RMDN2: variants seen among roughly 807,000 people sequenced by gnomAD.
RMDN2 encodes regulator of microtubule dynamics protein 2.
A neutral mutation model predicts 52.8 loss-of-function variants in RMDN2; 61 were observed. That is an observed-to-expected ratio of 1.16 (90% CI 0.94 to 1.43). RMDN2 has a LOEUF of 1.43. RMDN2 is among the 40% of genes most tolerant of loss of function. The pLI, the probability that RMDN2 is intolerant of heterozygous loss-of-function variation, is 0.00. For missense variants in RMDN2, 592 were observed against 475.3 expected (o/e 1.25, Z -2.28); for synonymous variants, 180 against 153.1 (o/e 1.18, Z -1.30).
intron 2 of RMDN2, among the ~76,000 whole-genome samples, chr2:37,958,828 T>C (rs1669824610): frequency 6.6e-6 from 1 of 151,068 alleles, no homozygotes; most frequent in African/African-American, 2.5e-5. Context: ...ACCTAGTTTA[T>C]TGAGTGTTTT....
intron 2 of RMDN2, among the ~76,000 whole-genome samples, chr2:37,935,849 A>G (rs906504307): frequency 6.6e-5 from 10 of 152,126 alleles, no homozygotes; most frequent in African/African-American, 1.9e-4. Flanking sequence ...GAATGAATAT[A>G]CCTTAATTTA....
intron 2 of RMDN2, among the ~76,000 whole-genome samples, chr2:37,944,495 G>A (rs547371941): frequency 1.3e-5 from 2 of 152,190 alleles, no homozygotes; most frequent in African/African-American, 2.4e-5. Flanking sequence ...GGCCCACAGG[G>A]TGTAGTTTGC....
intron 10 of RMDN2, among the ~76,000 whole-genome samples, chr2:38,052,242 T>A (rs1681649087): frequency 6.6e-6 from 1 of 152,214 alleles, no homozygotes; most frequent in African/African-American, 2.4e-5. Flanking sequence ...CTCATGGTGG[T>A]CTTATAATAA....
At chr2:38,009,216 G>A (rs1319015406) in intron 10 of RMDN2, among the ~76,000 whole-genome samples, 1 of 152,054 alleles carries the variant, frequency 6.6e-6, no homozygotes. Flanking sequence ...TATCTTTTTG[G>A]CGTTCTCTGT....
At chr2:38,045,898 G>A (rs535295524) in intron 10 of RMDN2, among the ~76,000 whole-genome samples, 24 of 152,210 alleles carry the variant, frequency 1.6e-4, no homozygotes, top group African/African-American at 5.5e-4. Context: ...TTGTGACCTT[G>A]GTGGAAAACA....
At chr2:37,953,000 A>G (rs1387949328) in intron 2 of RMDN2, 1 of 151,996 alleles carries the variant, frequency 6.6e-6, no homozygotes, top group African/African-American at 2.4e-5. Flanking sequence ...AAGCAATTGA[A>G]AACATTTAAG....
At chr2:37,954,650 TG>T (rs1669232293) in intron 2 of RMDN2, among the ~76,000 whole-genome samples, 1 of 152,140 alleles carries the variant, frequency 6.6e-6, no homozygotes, top group Non-Finnish European at 1.5e-5. Flanking sequence ...CCTCCAACTT[TG>T]TTTTTATTTT....
At chr2:38,007,963 A>G (rs992007359) in intron 10 of RMDN2, among the ~76,000 whole-genome samples, 1 of 151,462 alleles carries the variant, frequency 6.6e-6, no homozygotes, top group African/African-American at 2.4e-5. Context: ...TTCTTTATGT[A>G]CCCAGTAGTC....
At chr2:38,006,270 T>C (rs1331808764) in intron 10 of RMDN2, among the ~76,000 whole-genome samples, 1 of 152,196 alleles carries the variant, frequency 6.6e-6, no homozygotes. Context: ...GGGGATGACA[T>C]TGAATCTATA....
chr2:37,929,625 T>A lies in RMDN2; in HGVS notation c.348T>A (p.Thr116=), dbSNP rs1267126646. ...YIQDELGGKI[T]VHKISPQHRA... ...AAGATGAACTTGGAGGGAAAATAAC[T>A]GTTCATAAGATAAGCCCTCAGCACA... is the stretch of plus-strand genomic sequence containing the variant. Residue 116 remains threonine, a synonymous_variant, in exon 2 of 11, where the codon ACT becomes ACA. Coordinates refer to ENST00000354545, the MANE Select transcript of RMDN2 (RefSeq NM_001170791.3). 2 of 1,551,462 alleles carry A rather than the reference T, an allele frequency of 1.3e-6. No individual in the cohort carries two copies. Among genetic ancestry groups the A allele is most frequent in the Non-Finnish European group, 1.7e-6 (2 of 1,146,880 alleles).
upstream of RMDN2, among the ~76,000 whole-genome samples, chr2:37,922,360 G>A (rs1169317736): frequency 6.6e-6 from 1 of 150,948 alleles, no homozygotes; most frequent in African/African-American, 2.4e-5. Context: ...AACTGTTAAA[G>A]GGTTAAAACT....
chr2:38,051,316 G>T (rs533392915), intron 10 of RMDN2, among the ~76,000 whole-genome samples: 1 of 152,320 alleles, frequency 6.6e-6, no homozygotes, highest in East Asian at 1.9e-4. Flanking sequence ...GGAGGCACTG[G>T]TGAATGGTGA....
chr2:38,031,998 A>C (rs1323894324), intron 10 of RMDN2, among the ~76,000 whole-genome samples: 4 of 152,220 alleles, frequency 2.6e-5, no homozygotes, highest in Admixed American at 1.3e-4. Flanking sequence ...TCTTCTAAAA[A>C]AGAAAAAAAG....
intron 10 of RMDN2, among the ~76,000 whole-genome samples, chr2:38,007,720 A>G (rs1677321425): frequency 6.6e-6 from 1 of 151,582 alleles, no homozygotes; most frequent in Non-Finnish European, 1.5e-5. Flanking sequence ...TTCTGCTCTG[A>G]TCTTAGTTAT....
intron 2 of RMDN2, among the ~76,000 whole-genome samples, chr2:37,970,884 A>T (rs1008260077): frequency 6.6e-6 from 1 of 152,070 alleles, no homozygotes; most frequent in South Asian, 2.1e-4. Flanking sequence ...AGAGTTGCCC[A>T]TTTTTAAATT....
At chr2:37,936,234 T>A (rs1327023562) in intron 2 of RMDN2, among the ~76,000 whole-genome samples, 1 of 152,230 alleles carries the variant, frequency 6.6e-6, no homozygotes, top group South Asian at 2.1e-4. Context: ...GATCTCATTC[T>A]TTTTTAGGGA....
chr2:37,938,792 T>G (rs1667533851), intron 2 of RMDN2, among the ~76,000 whole-genome samples: 1 of 152,312 alleles, frequency 6.6e-6, no homozygotes, highest in South Asian at 2.1e-4. Context: ...CTCTCCTTTC[T>G]TCTTTATTAA....
intron 10 of RMDN2, among the ~76,000 whole-genome samples, chr2:38,055,622 A>C (rs190856611): frequency 6.6e-6 from 1 of 152,264 alleles, no homozygotes; most frequent in East Asian, 1.9e-4. Flanking sequence ...TCCTCAGGTT[A>C]GCTCCCTTCA....
chr2:38,064,266 G>A (rs374439034), intron 10 of RMDN2, among the ~76,000 whole-genome samples: 1 of 152,144 alleles, frequency 6.6e-6, no homozygotes, highest in African/African-American at 2.4e-5. Flanking sequence ...TTGGGAGTCC[G>A]AGGCGGGTAG....
Sources: gnomAD v4.1 joint callset for allele counts (sites outside exome capture counted in the v4.1 genomes callset) on GRCh38, gnomAD v4.1.1 for gene constraint, MANE v1.5 for transcripts, NCBI Gene and HGNC (gene_info 2026-07-23, HGNC 2026-07-21) for gene names.